TPH2: variants seen among roughly 807,000 people sequenced by gnomAD.
TPH2 encodes tryptophan hydroxylase 2.
TPH2 carries 27 observed loss-of-function variants against 59.1 expected under a neutral mutation model. The observed-to-expected ratio is 0.46, with a 90% CI of 0.34 to 0.63. The LOEUF is 0.63. Among genes scored for constraint, TPH2 ranks in the 30% least tolerant of loss-of-function variants. TPH2 has a pLI of 0.01. For synonymous variants in TPH2, 220 were observed against 210.5 expected, an observed-to-expected ratio of 1.05 and a Z score of -0.39; for missense variants, 523 against 588.3, an observed-to-expected ratio of 0.89 and a Z score of 1.15.
chr12:71,972,659 G>A lies in TPH2; in HGVS notation c.749G>A (p.Cys250Tyr). Residue 250 changes from cysteine to tyrosine, a missense_variant, in exon 6 of 11, where the codon TGT becomes TAT. Transcript: ENST00000333850. Reference protein sequence around the residue: ...LKNFPLLTKYCGYREDNVPQL... With the variant: ...LKNFPLLTKYYGYREDNVPQL... ...AACTTCCCTCTGCTGACTAAATACT[G>A]TGGCTACAGAGAGGACAATGTGCCT... is the stretch of plus-strand genomic sequence containing the variant. 6.2e-7 allele frequency: 1 copy of A among 1,614,128 alleles called. No homozygotes were observed. Among genetic ancestry groups the A allele is most frequent in the Non-Finnish European group, 8.5e-7 (1 of 1,180,020 alleles).
At position 72,031,923 on chromosome 12, in the gene TPH2, C is replaced by A; in HGVS notation, c.*228C>A. On this transcript the variant is annotated 3_prime_UTR_variant, in exon 11 of 11. Coordinates refer to ENST00000333850, the MANE Select transcript of TPH2 (RefSeq NM_173353.4). ...GAAATAACGTATTATGTTTAAACAT[C>A]TTAAAAAGATTTGACATTCCTGCTT... The A allele has an allele frequency of 1.8e-6, 1 of 557,340 alleles. No homozygotes were observed. Among genetic ancestry groups the A allele is most frequent in the East Asian group, 3.2e-5 (1 of 31,096 alleles). The allele number at this position is 557,340 out of a possible 1,614,324, so 34.5% of individuals were successfully genotyped here.
intron 4 of TPH2, among the ~76,000 whole-genome samples, chr12:71,949,050 C>T (rs1327378018): frequency 6.6e-6 from 1 of 152,132 alleles, no homozygotes; most frequent in African/African-American, 2.4e-5. Flanking sequence ...TCCCTAAAAT[C>T]GATTTTGCAT....
intron 7 of TPH2, among the ~76,000 whole-genome samples, chr12:71,989,417 G>A (rs114683991): frequency 0.011 from 1,675 of 152,232 alleles, 32 homozygotes; most frequent in African/African-American, 0.038. Flanking sequence ...GCTGAAAAAC[G>A]CACCCTATTT....
intron 2 of TPH2, among the ~76,000 whole-genome samples, chr12:71,942,269 G>C (rs538667839): frequency 3.3e-5 from 5 of 152,182 alleles, no homozygotes; most frequent in Admixed American, 1.3e-4. Context: ...TTATCTTATA[G>C]AAATGTTCAT....
At chr12:71,974,655 G>T (rs1333300294) in intron 6 of TPH2, among the ~76,000 whole-genome samples, 1 of 152,184 alleles carries the variant, frequency 6.6e-6, no homozygotes, top group Non-Finnish European at 1.5e-5. Flanking sequence ...CACAGATTCA[G>T]GAGATTAAGA....
chr12:71,961,419 A>T, intron 5 of TPH2: 1 of 704,634 alleles, frequency 1.4e-6, no homozygotes, highest in Non-Finnish European at 2.0e-6. Context: ...CTGTAGGATA[A>T]TCACGCTTCT....
At position 72,004,122 on chromosome 12, in the gene TPH2, T is replaced by C. The variant is rs116542017; in HGVS notation, c.1068+9557T>C. On this transcript the variant is annotated intron_variant, in intron 8 of 10. Coordinates refer to ENST00000333850, the MANE Select transcript of TPH2 (RefSeq NM_173353.4). ...TCAATGAAGATGCTATTCGGGATGTTTGATGTACAGTATGTGGTGTGGTGC... is the reference window on the plus strand; with the variant it reads ...TCAATGAAGATGCTATTCGGGATGTCTGATGTACAGTATGTGGTGTGGTGC... Among the ~76,000 whole-genome samples the C allele has an allele frequency of 5.5e-3, 777 of 140,668 alleles. 22 individuals carry two copies. Among genetic ancestry groups the C allele is most frequent in the African/African-American group, 0.019 (729 of 39,252 alleles). The allele number at this position is 140,668 out of a possible 152,430, so 92.3% of individuals were successfully genotyped here.
At chr12:72,008,560 C>A (rs1425096393) in intron 8 of TPH2, among the ~76,000 whole-genome samples, 1 of 152,204 alleles carries the variant, frequency 6.6e-6, no homozygotes, top group Non-Finnish European at 1.5e-5. Flanking sequence ...TGTCCCTTAA[C>A]ACAGTCCTGG....
intron 8 of TPH2, among the ~76,000 whole-genome samples, chr12:71,997,046 A>G (rs1401366988): frequency 1.3e-5 from 2 of 152,136 alleles, no homozygotes; most frequent in Non-Finnish European, 2.9e-5. Context: ...AGTCAGAATA[A>G]TTTCTCTGGT....
intron 8 of TPH2, among the ~76,000 whole-genome samples, chr12:72,016,665 G>A (rs1395166052): frequency 6.6e-6 from 1 of 152,108 alleles, no homozygotes; most frequent in Admixed American, 6.5e-5. Context: ...GTGGAATGAT[G>A]TATGTGATTA....
intron 5 of TPH2, chr12:71,962,546 G>T (rs1278540705): frequency 2.1e-5 from 21 of 985,252 alleles, no homozygotes; most frequent in Non-Finnish European, 2.3e-5. Flanking sequence ...CTACCAGAAA[G>T]TTTGTTACAA....
chr12:71,948,416 T>C (rs948327700), intron 4 of TPH2, among the ~76,000 whole-genome samples: 2 of 152,128 alleles, frequency 1.3e-5, no homozygotes, highest in Non-Finnish European at 2.9e-5. Flanking sequence ...TTGTCATTCC[T>C]GAAAGAAAGG....
intron 5 of TPH2, among the ~76,000 whole-genome samples, chr12:71,951,747 C>A (rs565329189): frequency 4.2e-4 from 63 of 151,768 alleles, no homozygotes; most frequent in African/African-American, 1.4e-3. Context: ...TGATTTCGGC[C>A]GGGTACAGTG....
chr12:72,031,200 C>T (rs751207263), intron 9 of TPH2, 58 bp from the exon 10 acceptor site: 19 of 1,609,686 alleles, frequency 1.2e-5, no homozygotes, highest in Non-Finnish European at 1.4e-5. Context: ...AATGTGATGT[C>T]ATGGAGCTTC....
intron 8 of TPH2, among the ~76,000 whole-genome samples, chr12:72,001,644 C>T (rs1487818306): frequency 6.6e-6 from 1 of 152,076 alleles, no homozygotes; most frequent in Non-Finnish European, 1.5e-5. Context: ...TCTCGAACTC[C>T]TAACCTCAGG....
intron 6 of TPH2, among the ~76,000 whole-genome samples, chr12:71,976,569 G>A (rs1872123023): frequency 6.6e-6 from 1 of 152,166 alleles, no homozygotes; most frequent in Admixed American, 6.5e-5. Flanking sequence ...TGTCCCACAT[G>A]TGGGATATAC....
chr12:71,962,248 G>T, intron 5 of TPH2: 1 of 985,410 alleles, frequency 1.0e-6, no homozygotes, highest in Non-Finnish European at 1.2e-6. Flanking sequence ...TGATTTGTGA[G>T]TTTTTGTTTG....
chr12:72,029,169 T>A (rs1028286800), intron 9 of TPH2, among the ~76,000 whole-genome samples: 2 of 152,128 alleles, frequency 1.3e-5, no homozygotes, highest in African/African-American at 4.8e-5. Flanking sequence ...AACAGATGAG[T>A]TTCACTTCTT....
At position 71,983,431 on chromosome 12, in the gene TPH2, T is replaced by G. The variant is rs541002942; in HGVS notation, c.941+4344T>G. Among the ~76,000 whole-genome samples the G allele has an allele frequency of 5.9e-5, 9 of 152,088 alleles. No individual in the cohort carries two copies. The South Asian group carries it at 1.9e-3, about 32-fold the overall frequency. On this transcript the variant is annotated intron_variant, in intron 7 of 10. Coordinates refer to ENST00000333850, the MANE Select transcript of TPH2 (RefSeq NM_173353.4). ...AATTCAAAGTTATTCCAATAAACCT[T>G]CCCTCTCACTCACTGGAATGAGAGG... is the stretch of plus-strand genomic sequence containing the variant.
Sources: allele counts gnomAD v4.1 joint callset (sites outside exome capture counted in the v4.1 genomes callset), GRCh38; gene constraint gnomAD v4.1.1; transcripts MANE v1.5; gene names NCBI Gene and HGNC (gene_info 2026-07-23, HGNC 2026-07-21).